Variants in MAL observed in about 807,000 individuals in gnomAD.
MAL encodes myelin and lymphocyte protein.
MAL carries 5 observed loss-of-function variants against 16.7 expected under a neutral mutation model. The observed-to-expected ratio is 0.30, with a 90% CI of 0.16 to 0.63. The LOEUF (loss-of-function observed/expected upper bound fraction) is 0.63, where lower values mean the gene tolerates loss of function less well. Among genes scored for constraint, MAL ranks in the 30% least tolerant of loss-of-function variants. MAL has a pLI of 0.82. For synonymous variants in MAL, 96 were observed against 85.5 expected, an observed-to-expected ratio of 1.12 and a Z score of -0.67; for missense variants, 202 against 195.8, an observed-to-expected ratio of 1.03 and a Z score of -0.19.
intron 1 of MAL, among the ~76,000 whole-genome samples, chr2:95,038,624 GTGAGTGACTGAGTGAC>G (rs1331116710): frequency 6.6e-6 from 1 of 151,354 alleles, no homozygotes; most frequent in East Asian, 1.9e-4. Flanking sequence ...GAGTGAGTGA[GTGAGTGACTGAGTGAC>G]TGAGTGAGTG....
In MAL at chr2:95,025,778, C is replaced by T. The variant is rs544504207; in HGVS notation, c.-15C>T. Reference sequence around the variant, plus strand: ...GGCGCTCGTCCCGTCCCAAGGCCGACGCCAGCACGCCGTCATGGCCCCCGC... The same window carrying T: ...GGCGCTCGTCCCGTCCCAAGGCCGATGCCAGCACGCCGTCATGGCCCCCGC... On this transcript the variant is annotated 5_prime_UTR_variant, in exon 1 of 4. The change creates a new upstream start codon in the 5' untranslated region. Transcript: ENST00000309988. The surrounding 1 kb of genome is among the most constrained non-coding windows in gnomAD (Gnocchi z 5.6). The T allele has an allele frequency of 6.6e-7, 1 of 1,525,608 alleles. No individual in the cohort carries two copies. Among genetic ancestry groups the T allele is most frequent in the Non-Finnish European group, 8.8e-7 (1 of 1,133,472 alleles). The allele number at this position is 1,525,608 out of a possible 1,614,324, so 94.5% of individuals were successfully genotyped here.
At chr2:95,033,847 G>T (rs1273768262) in intron 1 of MAL, among the ~76,000 whole-genome samples, 1 of 152,106 alleles carries the variant, frequency 6.6e-6, no homozygotes, top group Non-Finnish European at 1.5e-5. Context: ...ACACCCATGG[G>T]GGCCTGGATC....
intron 3 of MAL, among the ~76,000 whole-genome samples, chr2:95,052,720 G>C (rs372472322): frequency 3.3e-5 from 5 of 152,310 alleles, no homozygotes; most frequent in African/African-American, 1.2e-4. Context: ...TCCCCAGAAA[G>C]CAGGGCCATC....
At chr2:95,028,152 C>CAAAAAAA (rs898443996) in intron 1 of MAL, among the ~76,000 whole-genome samples, 5 of 39,702 alleles carry the variant, frequency 1.3e-4, no homozygotes, top group Non-Finnish European at 1.9e-4. Flanking sequence ...ACTAAAAATA[C>CAAAAAAA]AAAAAAAAAA....
chr2:95,050,847 A>T (rs1215382537), intron 3 of MAL, among the ~76,000 whole-genome samples: 1 of 152,224 alleles, frequency 6.6e-6, no homozygotes, highest in African/African-American at 2.4e-5. Flanking sequence ...TCCAAGCAGC[A>T]GCACAGCCAG....
chr2:95,028,200 G>A (rs935355274), intron 1 of MAL, among the ~76,000 whole-genome samples: 39 of 148,094 alleles, frequency 2.6e-4, no homozygotes, highest in African/African-American at 9.2e-4. Context: ...GCTCATGCCT[G>A]TAGTCCCAGC....
intron 1 of MAL, among the ~76,000 whole-genome samples, chr2:95,039,550 T>C (rs1573294844): frequency 9.4e-6 from 1 of 106,846 alleles, no homozygotes. Context: ...GTGAGTGACT[T>C]GGTAAGTGAG....
At chr2:95,046,481 C>T (rs1674587457) in intron 1 of MAL, among the ~76,000 whole-genome samples, 2 of 152,286 alleles carry the variant, frequency 1.3e-5, no homozygotes, top group South Asian at 2.1e-4. Flanking sequence ...TTTGTACACG[C>T]CTGTCCACAG....
intron 1 of MAL, among the ~76,000 whole-genome samples, chr2:95,045,899 G>A (rs1439181808): frequency 6.6e-6 from 1 of 152,222 alleles, no homozygotes; most frequent in African/African-American, 2.4e-5. Context: ...ATGGTGGTCT[G>A]GGCATTTTTA....
intron 1 of MAL, among the ~76,000 whole-genome samples, chr2:95,033,423 CG>C (rs1165167555): frequency 6.6e-6 from 1 of 152,030 alleles, no homozygotes; most frequent in East Asian, 1.9e-4. Flanking sequence ...GTTTCAGTGG[CG>C]GGCCAGGGAG....
rs77125116 is a variant in MAL, at chr2:95,048,616, G to T, written c.261+490G>T. Among the ~76,000 whole-genome samples the T allele has an allele frequency of 2.2e-3, 328 of 152,298 alleles. 5 individuals carry two copies. The East Asian group carries it at 0.046, about 21-fold the overall frequency. On this transcript the variant is annotated intron_variant, in intron 2 of 3. Coordinates refer to ENST00000309988, the MANE Select transcript of MAL (RefSeq NM_002371.4). ...CACTGGGAAACAGAAGCGGCCTTTG[G>T]TCATTATTCTGTATAAATTCTGCTT...
chr2:95,038,678 GAC>G (rs1674333422), intron 1 of MAL, among the ~76,000 whole-genome samples: 1 of 151,882 alleles, frequency 6.6e-6, no homozygotes, highest in Admixed American at 6.6e-5. Context: ...GTGAGTGACT[GAC>G]TGAGTGAGTG....
chr2:95,026,159 G>A (rs1673930838), intron 1 of MAL, among the ~76,000 whole-genome samples: 1 of 152,178 alleles, frequency 6.6e-6, no homozygotes, highest in African/African-American at 2.4e-5. Context: ...CGGGGCAGGG[G>A]GGGACGGCTC....
intron 1 of MAL, among the ~76,000 whole-genome samples, chr2:95,046,924 A>G (rs1279864700): frequency 6.6e-6 from 1 of 150,966 alleles, no homozygotes; most frequent in Non-Finnish European, 1.5e-5. Flanking sequence ...GAGAGAAAGA[A>G]AGAGAGAAAG....
At chr2:95,031,130 G>C (rs1674067831) in intron 1 of MAL, among the ~76,000 whole-genome samples, 1 of 152,192 alleles carries the variant, frequency 6.6e-6, no homozygotes, top group African/African-American at 2.4e-5. Context: ...CTCAGACAGG[G>C]AGCAACTTGC....
Position 95,048,554 on chromosome 2 carries a change from C to T in MAL, c.261+428C>T, listed in dbSNP as rs76404315. ...GTCAGGCCATGCTTACTGTCCAGCT[C>T]CTCAGCCACTGCCTTCCAAGCAGGG... On this transcript the variant is annotated intron_variant, in intron 2 of 3. Coordinates refer to ENST00000309988, the MANE Select transcript of MAL (RefSeq NM_002371.4). Among the ~76,000 whole-genome samples the T allele has an allele frequency of 4.5e-3, 692 of 152,334 alleles. 4 individuals carry two copies. Among genetic ancestry groups the T allele is most frequent in the African/African-American group, 0.016 (652 of 41,588 alleles).
intron 1 of MAL, among the ~76,000 whole-genome samples, chr2:95,031,796 C>T (rs535677892): frequency 6.6e-6 from 1 of 152,344 alleles, no homozygotes; most frequent in South Asian, 2.1e-4. Context: ...AGGGCTACTG[C>T]CTGATCTTCC....
At chr2:95,030,773 T>C (rs541545017) in intron 1 of MAL, among the ~76,000 whole-genome samples, 1 of 152,196 alleles carries the variant, frequency 6.6e-6, no homozygotes, top group African/African-American at 2.4e-5. Flanking sequence ...TGCAGTCACA[T>C]CACGGGTTGG....
At position 95,049,778 on chromosome 2, in the gene MAL, CCT is replaced by C. The variant is rs1674677886; in HGVS notation, c.387+73_387+74del. On this transcript the variant is annotated intron_variant, in intron 3 of 3. Transcript: ENST00000309988. The stretch of plus-strand genomic sequence containing the variant: ...GCTGGCAGGGTGTGTGTGGAGGCTG[CCT>C]AGGCCCTTGGTCTGTTTTCAGTTCA... The C allele has an allele frequency of 2.5e-6, 4 of 1,589,466 alleles. No individual in the cohort carries two copies. The Admixed American group carries it at 6.9e-5, about 28-fold the overall frequency.
Sources: allele counts gnomAD v4.1 joint callset (sites outside exome capture counted in the v4.1 genomes callset), GRCh38; gene constraint gnomAD v4.1.1; non-coding constraint Gnocchi (gnomAD v3.1); transcripts MANE v1.5; gene names NCBI Gene and HGNC (gene_info 2026-07-23, HGNC 2026-07-21).